The following SDK2 variants were observed in gnomAD, a reference collection of about 807,000 sequenced individuals.
SDK2 encodes protein sidekick-2.
SDK2 carries 105 observed loss-of-function variants against 253.9 expected under a neutral mutation model. That is an observed-to-expected ratio of 0.41 (90% CI 0.35 to 0.49). The LOEUF (loss-of-function observed/expected upper bound fraction) is 0.49. Ranked by LOEUF, SDK2 falls within the 20% of genes least tolerant of loss-of-function variation. The probability of loss-of-function intolerance (pLI) is 0.06; values close to 1 mark genes in which losing one functional copy is unlikely to be tolerated. For synonymous variants in SDK2, 1,249 were observed against 1,234.9 expected (o/e 1.01, Z -0.24); for missense variants, 2,608 against 3,003.0 (o/e 0.87, Z 3.07).
chr17:73,626,602 G>A (rs1411363904), intron 1 of SDK2, among the ~76,000 whole-genome samples: 2 of 152,234 alleles, frequency 1.3e-5, no homozygotes, highest in Admixed American at 1.3e-4. Flanking sequence ...CTGGTGGAGA[G>A]CAAAGCCAGC....
In SDK2 at chr17:73,472,206, G is replaced by A; in HGVS notation, c.237C>T (p.Thr79=). 1 of 1,551,524 alleles carries A rather than the reference G, an allele frequency of 6.4e-7. No homozygotes were observed. The highest frequency in any genetic ancestry group is 8.7e-7 in the Non-Finnish European group (1 of 1,146,822). ...AGCCAGCGTGGGTGCGGTCCAGGCT[G>A]GTGATCATGTATCTATGGGACAGAC... ...KFSLEYRYMI[T]SLDRTHAGFY... Residue 79 remains threonine (T), a synonymous_variant, in exon 3 of 45, where the codon ACC becomes ACT. Coordinates refer to ENST00000392650, the MANE Select transcript of SDK2 (RefSeq NM_001144952.2).
In SDK2 at chr17:73,393,667, G is replaced by A. The variant is rs776018774; in HGVS notation, c.3791C>T (p.Thr1264Ile). The change falls in exon 27 of 45, where the codon ACC (threonine) becomes ATC (isoleucine). Residue 1264 changes from threonine to isoleucine, a missense_variant. Coordinates refer to ENST00000392650, the MANE Select transcript of SDK2 (RefSeq NM_001144952.2). ...EGNSSRSAQL[T>I]GLGKYVLYEV... is the part of the protein sequence containing the mutation. ...ATAGAGCACGTATTTGCCCAAGCCG[G>A]TGAGCTGGGCACTGCGAGACGAGTT... 5.0e-6 allele frequency: 8 copies of A among 1,600,638 alleles called. No homozygotes were observed. The South Asian group carries it at 8.9e-5, about 18-fold the overall frequency.
chr17:73,370,480 C>T (rs1272223271), intron 36 of SDK2, among the ~76,000 whole-genome samples: 2 of 151,908 alleles, frequency 1.3e-5, no homozygotes, highest in East Asian at 2.0e-4. Flanking sequence ...TGGGCTCAAG[C>T]GATCCAACCA....
chr17:73,526,615 G>C (rs771291551), intron 1 of SDK2, among the ~76,000 whole-genome samples: 24 of 151,992 alleles, frequency 1.6e-4, no homozygotes, highest in Admixed American at 8.5e-4. Context: ...TTTTGAGCGT[G>C]TGTGTGTGTA....
chr17:73,345,741 C>T (rs1263187724), intron 44 of SDK2, among the ~76,000 whole-genome samples: 1 of 152,162 alleles, frequency 6.6e-6, no homozygotes, highest in South Asian at 2.1e-4. Context: ...TCCCAACTCT[C>T]TTTTTCATCA....
At chr17:73,390,934 C>T (rs1405355802) in intron 28 of SDK2, among the ~76,000 whole-genome samples, 42 of 152,160 alleles carry the variant, frequency 2.8e-4, no homozygotes, top group Non-Finnish European at 1.3e-4. Context: ...GTAGTCCAAG[C>T]CCCCATTTTA....
chr17:73,353,827 C>T (rs753095459), intron 40 of SDK2, among the ~76,000 whole-genome samples: 1 of 151,120 alleles, frequency 6.6e-6, no homozygotes, highest in Admixed American at 6.6e-5. Flanking sequence ...CCTCAGCCTC[C>T]CGGATAGCTG....
intron 40 of SDK2, among the ~76,000 whole-genome samples, chr17:73,357,175 G>A (rs1345431121): frequency 6.6e-6 from 1 of 152,236 alleles, no homozygotes; most frequent in African/African-American, 2.4e-5. Context: ...AGGAGCGGTG[G>A]TAATGTCTTC....
intron 5 of SDK2, among the ~76,000 whole-genome samples, chr17:73,441,625 A>G (rs541777710): frequency 6.6e-6 from 1 of 152,332 alleles, no homozygotes; most frequent in South Asian, 2.1e-4. Flanking sequence ...GAAGCCAGGA[A>G]GGGGCAAGAA....
intron 1 of SDK2, among the ~76,000 whole-genome samples, chr17:73,630,033 A>T (rs1057421103): frequency 3.3e-5 from 5 of 152,144 alleles, no homozygotes; most frequent in African/African-American, 1.2e-4. Flanking sequence ...GTTCAAGTTC[A>T]TGTGTTAACT....
At chr17:73,351,789 T>C (rs2062541107) in intron 41 of SDK2, among the ~76,000 whole-genome samples, 1 of 152,060 alleles carries the variant, frequency 6.6e-6, no homozygotes, top group South Asian at 2.1e-4. Context: ...AGCACTTCTG[T>C]CCCAGGATTT....
intron 1 of SDK2, among the ~76,000 whole-genome samples, chr17:73,592,448 C>T (rs1379801233): frequency 1.3e-5 from 2 of 151,708 alleles, no homozygotes. Flanking sequence ...AAAGAGTCTC[C>T]AGCTTTTTAT....
rs1262079964 is a variant in SDK2, at chr17:73,401,903, T to G, written c.2680+43A>C. On this transcript the variant is annotated intron_variant, in intron 19 of 44. Coordinates refer to ENST00000392650, the MANE Select transcript of SDK2 (RefSeq NM_001144952.2). The stretch of plus-strand genomic sequence containing the variant: ...CTGCCTGGGGCGCCCAGCCTGGCCT[T>G]GGGCGGGGGGGGGCAGAAAGAGCAG... The G allele has an allele frequency of 3.4e-6, 5 of 1,469,256 alleles. No homozygotes were observed. In the East Asian group the frequency reaches 7.2e-5, roughly 21 times the overall value. The allele number at this position is 1,469,256 out of a possible 1,614,324, so 91.0% of individuals were successfully genotyped here.
rs75873846 is a variant in SDK2, at chr17:73,431,438, G to C, written c.1480+64C>G. ...GCCCCGTAGCTGTCCTGAGTCCTCAGCACCTACAGGGATGTACACACGCAC... is the reference window on the plus strand; with the variant it reads ...GCCCCGTAGCTGTCCTGAGTCCTCACCACCTACAGGGATGTACACACGCAC... On this transcript the variant is annotated intron_variant, in intron 11 of 44. Coordinates refer to ENST00000392650, the MANE Select transcript of SDK2 (RefSeq NM_001144952.2). This position sits in a 1 kb window ranked among gnomAD's most constrained non-coding sequence, Gnocchi z 5.6. 15,219 of 1,492,422 alleles carry C rather than the reference G, an allele frequency of 0.01. 1,339 individuals carry two copies. In the African/African-American group the frequency reaches 0.19, roughly 19 times the overall value. The allele number at this position is 1,492,422 out of a possible 1,614,324, so 92.4% of individuals were successfully genotyped here. A position where few individuals can be genotyped will look rare whatever the true frequency, so the allele number is the denominator to read the frequency against.
intron 1 of SDK2, among the ~76,000 whole-genome samples, chr17:73,572,499 C>A (rs570647263): frequency 6.6e-6 from 1 of 152,258 alleles, no homozygotes; most frequent in South Asian, 2.1e-4. Context: ...GCCAGCCTCC[C>A]TCTTATCACC....
At chr17:73,505,006 C>T (rs1263705113) in intron 2 of SDK2, among the ~76,000 whole-genome samples, 1 of 152,170 alleles carries the variant, frequency 6.6e-6, no homozygotes, top group African/African-American at 2.4e-5. Flanking sequence ...CCAGATCCAA[C>T]ACTCTTAGGG....
chr17:73,357,910 G>A (rs777342083), intron 40 of SDK2, 169 bp downstream of exon 40: 4 of 1,034,002 alleles, frequency 3.9e-6, no homozygotes, highest in Non-Finnish European at 6.0e-6. Flanking sequence ...CCAGCTCTAG[G>A]AGCCCCCCAA....
rs919686720 is a variant in SDK2 at position 73,644,061 on chromosome 17, G to T, written c.28C>A (p.Leu10Ile). 1.9e-6 allele frequency: 3 copies of T among 1,550,038 alleles called. No homozygotes were observed. The highest frequency in any genetic ancestry group is 2.7e-5 in the African/African-American group (2 of 72,948). The change falls in exon 1 of 45, where the codon CTA (leucine) becomes ATA (isoleucine). Residue 10 changes from leucine (L) to isoleucine (I), a missense_variant. By Grantham distance (5) the Leu-to-Ile change is conservative. Coordinates refer to ENST00000392650, the MANE Select transcript of SDK2 (RefSeq NM_001144952.2). This position sits in a 1 kb window ranked among gnomAD's most constrained non-coding sequence, Gnocchi z 6.3. ...GCCGCGCGGATCTGATGCAGAGCTA[G>T]CAGTGTCCAGATCAAAAGCCCCCAC... Reference protein sequence around the residue: MWGLLIWTLLALHQIRAARA... With the variant: MWGLLIWTLIALHQIRAARA...
chr17:73,542,023 C>T (rs775536124), intron 1 of SDK2, among the ~76,000 whole-genome samples: 1 of 152,216 alleles, frequency 6.6e-6, no homozygotes, highest in Non-Finnish European at 1.5e-5. Context: ...AATAAAACAG[C>T]ATCTGTGAAG....
Sources: allele counts gnomAD v4.1 joint callset (sites outside exome capture counted in the v4.1 genomes callset), GRCh38; gene constraint gnomAD v4.1.1; non-coding constraint Gnocchi (gnomAD v3.1); transcripts MANE v1.5; gene names NCBI Gene and HGNC (gene_info 2026-07-23, HGNC 2026-07-21).